BMAL2: variants seen among roughly 807,000 people sequenced by gnomAD.
BMAL2 encodes basic helix-loop-helix ARNT-like protein 2.
At chr12:27,393,817 C>G in the BMAL2 span, among the ~76,000 whole-genome samples, 1 of 152,144 alleles carries the variant, frequency 6.6e-6, no homozygotes, top group Non-Finnish European at 1.5e-5. Flanking sequence ...TGAGATGGCC[C>G]TAATATGCTA....
the BMAL2 span, chr12:27,332,960 C>T: frequency 2.3e-6 from 2 of 852,738 alleles, no homozygotes; most frequent in South Asian, 5.7e-5. Context: ...GCAGGGCCCG[C>T]CAGTCCCCGC....
the BMAL2 span, among the ~76,000 whole-genome samples, chr12:27,417,078 G>T: frequency 3.3e-5 from 5 of 152,106 alleles, no homozygotes; most frequent in South Asian, 8.3e-4. Context: ...TCCATTTTGC[G>T]TGAGGCAGGA....
the BMAL2 span, among the ~76,000 whole-genome samples, chr12:27,371,981 G>A: frequency 0.18 from 26,746 of 152,064 alleles, 2,968 homozygotes; most frequent in East Asian, 0.3. Context: ...ACTATTTCAC[G>A]TAAGTGGGAG....
At chr12:27,397,159 C>T in the BMAL2 span, among the ~76,000 whole-genome samples, 1 of 152,254 alleles carries the variant, frequency 6.6e-6, no homozygotes, top group East Asian at 1.9e-4. Flanking sequence ...CAACCTCTGC[C>T]TCCTGGGTTC....
chr12:27,411,933 T>C, the BMAL2 span, among the ~76,000 whole-genome samples: 1 of 152,240 alleles, frequency 6.6e-6, no homozygotes, highest in African/African-American at 2.4e-5. Flanking sequence ...TCCAATGTCA[T>C]GAGGCTGTTC....
At chr12:27,342,125 A>T in the BMAL2 span, among the ~76,000 whole-genome samples, 1 of 151,804 alleles carries the variant, frequency 6.6e-6, no homozygotes, top group Non-Finnish European at 1.5e-5. Context: ...TTTAGTAGAG[A>T]CGTGGTTTCA....
At chr12:27,387,604 A>G in the BMAL2 span, among the ~76,000 whole-genome samples, 1 of 152,206 alleles carries the variant, frequency 6.6e-6, no homozygotes. Context: ...AGATGTAAAG[A>G]CTAAATGAGG....
the BMAL2 span, among the ~76,000 whole-genome samples, chr12:27,369,544 T>C: frequency 6.6e-6 from 1 of 152,256 alleles, no homozygotes; most frequent in African/African-American, 2.4e-5. Context: ...TGACAGTCTT[T>C]TTAGACTATG....
chr12:27,377,897 T>C, the BMAL2 span, among the ~76,000 whole-genome samples: 7,337 of 152,176 alleles, frequency 0.048, 636 homozygotes, highest in African/African-American at 0.17. Flanking sequence ...GGTGAATGGT[T>C]GGGGCAGGGG....
At chr12:27,407,571 A>G in the BMAL2 span, among the ~76,000 whole-genome samples, 1 of 152,298 alleles carries the variant, frequency 6.6e-6, no homozygotes, top group Non-Finnish European at 1.5e-5. Context: ...ACATACCAGA[A>G]TCTCTGGGAT....
the BMAL2 span, chr12:27,424,009 AT>A: frequency 2.0e-5 from 3 of 152,244 alleles, no homozygotes; most frequent in Non-Finnish European, 4.4e-5. Flanking sequence ...AGAATGTAAA[AT>A]ATCACATTAA....
At chr12:27,365,602 G>A in the BMAL2 span, among the ~76,000 whole-genome samples, 2 of 151,766 alleles carry the variant, frequency 1.3e-5, no homozygotes, top group South Asian at 4.2e-4. Context: ...TTCAATTTCG[G>A]TAAGTTAAAA....
the BMAL2 span, chr12:27,387,170 G>A: frequency 9.3e-7 from 1 of 1,075,078 alleles, no homozygotes; most frequent in Non-Finnish European, 1.4e-6. Flanking sequence ...GTGTGTGTGT[G>A]CGTGTGTATA....
chr12:27,386,953 ATTT>A, the BMAL2 span, among the ~76,000 whole-genome samples: 1 of 152,242 alleles, frequency 6.6e-6, no homozygotes, highest in African/African-American at 2.4e-5. Context: ...ACCTGGCCTA[ATTT>A]TAGTTTTTAA....
At chr12:27,409,127 C>T in the BMAL2 span, among the ~76,000 whole-genome samples, 3 of 152,134 alleles carry the variant, frequency 2.0e-5, no homozygotes, top group African/African-American at 4.8e-5. Flanking sequence ...ATTCCATGCT[C>T]ATGGGTAGGA....
the BMAL2 span, chr12:27,390,042 A>G: frequency 3.2e-6 from 5 of 1,587,004 alleles, no homozygotes; most frequent in Non-Finnish European, 4.3e-6. Context: ...AAATTTCAAA[A>G]TTATTTGACA....
the BMAL2 span, among the ~76,000 whole-genome samples, chr12:27,346,973 C>T: frequency 2.0e-5 from 3 of 152,186 alleles, no homozygotes; most frequent in African/African-American, 7.2e-5. Flanking sequence ...CTTGCTTTCA[C>T]TCTCCCCATG....
the BMAL2 span, among the ~76,000 whole-genome samples, chr12:27,377,084 A>C: frequency 6.6e-6 from 1 of 151,976 alleles, no homozygotes; most frequent in African/African-American, 2.4e-5. Flanking sequence ...AACAACAACA[A>C]TAAAATATTT....
the BMAL2 span, chr12:27,385,589 T>C: frequency 1.4e-6 from 2 of 1,457,156 alleles, no homozygotes; most frequent in East Asian, 4.5e-5. Flanking sequence ...GTCTAAGTTG[T>C]GTATGTGCTT....
Sources: gnomAD v4.1 joint callset for allele counts (sites outside exome capture counted in the v4.1 genomes callset) on GRCh38, gnomAD v4.1.1 for gene constraint, MANE v1.5 for transcripts, NCBI Gene and HGNC (gene_info 2026-07-23, HGNC 2026-07-21) for gene names.